EML6: variants seen among roughly 807,000 people sequenced by gnomAD.
EML6 encodes the protein EMAP like 6, also known as echinoderm microtubule-associated protein-like 6.
A neutral mutation model predicts 240.1 loss-of-function variants in EML6; 154 were observed. The observed-to-expected ratio is 0.64, with a 90% CI of 0.56 to 0.73. EML6 has a LOEUF of 0.73. Ranked by LOEUF, EML6 falls within the 30% of genes least tolerant of loss-of-function variation. The probability of loss-of-function intolerance (pLI) is 0.00; values close to 1 mark genes in which losing one functional copy is unlikely to be tolerated. For missense variants in EML6, 2,964 were observed against 2,474.6 expected, an observed-to-expected ratio of 1.20 and a Z score of -4.20; for synonymous variants, 1,148 against 899.0, an observed-to-expected ratio of 1.28 and a Z score of -4.95.
chr2:54,926,313 G>C (rs1232994418), intron 26 of EML6, among the ~76,000 whole-genome samples: 1 of 152,184 alleles, frequency 6.6e-6, no homozygotes. Context: ...TGTTGGCCAG[G>C]CTGGTCTTGA....
intron 17 of EML6, chr2:54,880,474 G>C (rs187254196): frequency 9.9e-5 from 15 of 152,086 alleles, no homozygotes; most frequent in Non-Finnish European, 1.9e-4. Context: ...ATATTAAATA[G>C]GAAAAAAGTT....
intron 2 of EML6, 114 bp from the exon 3 acceptor site, chr2:54,813,118 T>G (rs1244513462): frequency 5.3e-6 from 4 of 751,452 alleles, no homozygotes; most frequent in South Asian, 1.9e-5. Flanking sequence ...CAGTTCAGAC[T>G]CTTTCTCTTG....
At chr2:54,917,702 T>G (rs1457070865) in intron 26 of EML6, among the ~76,000 whole-genome samples, 1 of 152,158 alleles carries the variant, frequency 6.6e-6, no homozygotes, top group Non-Finnish European at 1.5e-5. Flanking sequence ...GAACCATCAT[T>G]AAACCATTCC....
chr2:54,859,740 TCAATAGG>T (rs1192243414), intron 12 of EML6, 39 bp downstream of exon 12: 8 of 1,487,214 alleles, frequency 5.4e-6, no homozygotes, highest in Admixed American at 5.1e-5. Flanking sequence ...ATTTTATTTT[TCAATAGG>T]CATTTCAAAG....
chr2:54,883,106 A>G (rs1301323335), intron 17 of EML6, among the ~76,000 whole-genome samples: 1 of 151,950 alleles, frequency 6.6e-6, no homozygotes, highest in Non-Finnish European at 1.5e-5. Flanking sequence ...TATGATCATT[A>G]TAGAAAAATT....
chr2:54,869,404 G>T, intron 15 of EML6, 37 bp downstream of exon 15: 2 of 1,434,166 alleles, frequency 1.4e-6, no homozygotes, highest in Non-Finnish European at 1.9e-6. Context: ...TAGCCAAAAA[G>T]AGAATTTAAT....
intron 16 of EML6, among the ~76,000 whole-genome samples, chr2:54,872,677 C>T (rs1175111870): frequency 6.6e-6 from 1 of 152,214 alleles, no homozygotes; most frequent in Non-Finnish European, 1.5e-5. Context: ...TTTTAACCCA[C>T]CAGCCCATTA....
intron 2 of EML6, among the ~76,000 whole-genome samples, chr2:54,801,058 C>T (rs1253332505): frequency 2.0e-5 from 3 of 152,072 alleles, no homozygotes; most frequent in Non-Finnish European, 4.4e-5. Context: ...CAGTGGCTCA[C>T]CTCTGTAATC....
chr2:54,743,860 T>C (rs1417690254), intron 2 of EML6, among the ~76,000 whole-genome samples: 2 of 152,162 alleles, frequency 1.3e-5, no homozygotes, highest in Non-Finnish European at 2.9e-5. Flanking sequence ...TTTCTTACTA[T>C]ACTCCCCCAA....
chr2:54,962,433 G>C, intron 35 of EML6, 90 bp from the exon 36 acceptor site: 1 of 1,000,904 alleles, frequency 1.0e-6, no homozygotes, highest in Non-Finnish European at 1.4e-6. Flanking sequence ...TCTACTTTCT[G>C]TCTCCATGAA....
chr2:54,911,118 G>A (rs1558677798), intron 25 of EML6, 76 bp downstream of exon 25: 14 of 735,092 alleles, frequency 1.9e-5, no homozygotes, highest in South Asian at 1.1e-4. Flanking sequence ...AACCTATCAC[G>A]TTAACCACTA....
intron 12 of EML6, among the ~76,000 whole-genome samples, chr2:54,861,685 G>A (rs924644208): frequency 3.3e-5 from 5 of 151,910 alleles, no homozygotes; most frequent in Non-Finnish European, 7.4e-5. Context: ...GATTTGAGAG[G>A]CACCTTAAAA....
Position 54,725,697 on chromosome 2 carries a change from A to G in EML6, c.197+439A>G, listed in dbSNP as rs140361879. On this transcript the variant is annotated intron_variant, in intron 2 of 41. Coordinates refer to ENST00000356458, the MANE Select transcript of EML6 (RefSeq NM_001039753.4). This position sits in a 1 kb window ranked among gnomAD's most constrained non-coding sequence, Gnocchi z 4.3. ...AAGAGGATTAAAAAAGATCTAAAAGAAATTTTACTACTGGTAATTTGGAAT... is the reference window on the plus strand; with the variant it reads ...AAGAGGATTAAAAAAGATCTAAAAGGAATTTTACTACTGGTAATTTGGAAT... Among the ~76,000 whole-genome samples, 935 of 152,298 alleles carry G rather than the reference A, an allele frequency of 6.1e-3. 10 individuals carry two copies. The highest frequency in any genetic ancestry group is 0.021 in the African/African-American group (880 of 41,542).
At chr2:54,855,559 A>T (rs952818531) in intron 11 of EML6, among the ~76,000 whole-genome samples, 1 of 151,610 alleles carries the variant, frequency 6.6e-6, no homozygotes, top group Non-Finnish European at 1.5e-5. Flanking sequence ...AGTGCTGTCA[A>T]AATGAGTCAC....
intron 30 of EML6, among the ~76,000 whole-genome samples, chr2:54,951,545 C>G (rs1298674611): frequency 1.2e-5 from 1 of 80,638 alleles, no homozygotes; most frequent in Admixed American, 1.2e-4. Context: ...ACTCTTATTT[C>G]AAAAAGAAAA....
At chr2:54,927,094 C>G (rs968046277) in intron 26 of EML6, among the ~76,000 whole-genome samples, 3 of 152,092 alleles carry the variant, frequency 2.0e-5, no homozygotes, top group Non-Finnish European at 4.4e-5. Flanking sequence ...ATGGGTTTTT[C>G]TTGGAAATTC....
At chr2:54,862,712 G>C (rs1421072743) in intron 12 of EML6, among the ~76,000 whole-genome samples, 2 of 152,104 alleles carry the variant, frequency 1.3e-5, no homozygotes, top group African/African-American at 4.8e-5. Flanking sequence ...TGTACCCCAA[G>C]AAACATCTTA....
intron 38 of EML6, among the ~76,000 whole-genome samples, chr2:54,965,955 TC>T (rs996993194): frequency 6.6e-6 from 1 of 152,176 alleles, no homozygotes; most frequent in African/African-American, 2.4e-5. Context: ...ATAAACTTTC[TC>T]CCAAAGTTAG....
chr2:54,812,179 A>G (rs750633598), intron 2 of EML6, among the ~76,000 whole-genome samples: 17 of 152,044 alleles, frequency 1.1e-4, no homozygotes, highest in Non-Finnish European at 2.2e-4. Flanking sequence ...TATTTTCTGT[A>G]TTATCTGTAT....
Sources: allele counts gnomAD v4.1 joint callset (sites outside exome capture counted in the v4.1 genomes callset), GRCh38; gene constraint gnomAD v4.1.1; non-coding constraint Gnocchi (gnomAD v3.1); transcripts MANE v1.5; gene names NCBI Gene and HGNC (gene_info 2026-07-23, HGNC 2026-07-21).